Variants in LRP1B observed in about 807,000 individuals in gnomAD.
The protein encoded by LRP1B is LDL receptor related protein 1B.
In LRP1B, 217 loss-of-function variants were observed where a neutral mutation model predicts 556.6. The ratio of observed to expected loss-of-function variants is 0.39; its 90% CI spans 0.35 to 0.44. The LOEUF (loss-of-function observed/expected upper bound fraction) is 0.44. Among genes scored for constraint, LRP1B ranks in the 20% least tolerant of loss-of-function variants. The pLI, the probability that LRP1B is intolerant of heterozygous loss-of-function variation, is 1.00. For missense variants in LRP1B, 5,053 were observed against 5,620.8 expected (o/e 0.90, Z 3.23); for synonymous variants, 2,047 against 1,865.8 (o/e 1.10, Z -2.50).
chr2:141,519,834 G>A (rs1248019600), intron 2 of LRP1B, among the ~76,000 whole-genome samples: 1 of 152,096 alleles, frequency 6.6e-6, no homozygotes, highest in Admixed American at 6.5e-5. Flanking sequence ...GAAAGAAATA[G>A]GATCAGCAGT....
intron 35 of LRP1B, among the ~76,000 whole-genome samples, chr2:140,755,288 A>G (rs1245213286): frequency 1.3e-5 from 2 of 152,072 alleles, no homozygotes; most frequent in African/African-American, 4.8e-5. Context: ...CCAGATTATG[A>G]GGAAACACTT....
At chr2:140,537,001 G>A (rs948123501) in intron 45 of LRP1B, among the ~76,000 whole-genome samples, 8 of 149,840 alleles carry the variant, frequency 5.3e-5, no homozygotes, top group East Asian at 2.0e-4. Context: ...GTGAAACCCC[G>A]TCTACTAAAA....
intron 2 of LRP1B, among the ~76,000 whole-genome samples, chr2:141,633,783 C>T (rs906944908): frequency 1.6e-5 from 2 of 125,746 alleles, no homozygotes; most frequent in Non-Finnish European, 3.8e-5. Context: ...TATTCACATG[C>T]ACACTCAAAC....
intron 84 of LRP1B, among the ~76,000 whole-genome samples, chr2:140,291,781 T>C (rs1463469432): frequency 2.6e-5 from 4 of 152,138 alleles, no homozygotes; most frequent in South Asian, 2.1e-4. Flanking sequence ...TGTGTGCATG[T>C]TTCTTAATAG....
chr2:141,914,855 C>T (rs539152007), intron 1 of LRP1B, among the ~76,000 whole-genome samples: 46 of 152,100 alleles, frequency 3.0e-4, no homozygotes, highest in East Asian at 5.8e-4. Context: ...ATAGATGACA[C>T]GCAAACAAAT....
At chr2:142,017,926 A>G (rs1056120078) in intron 1 of LRP1B, among the ~76,000 whole-genome samples, 1 of 145,932 alleles carries the variant, frequency 6.9e-6, no homozygotes, top group Non-Finnish European at 1.5e-5. Context: ...TAATGTTTCT[A>G]TTTGTGCTCA....
intron 35 of LRP1B, among the ~76,000 whole-genome samples, chr2:140,761,373 C>G (rs891330830): frequency 2.0e-5 from 3 of 152,180 alleles, no homozygotes; most frequent in African/African-American, 7.2e-5. Context: ...GTGGCCCCCT[C>G]TTACCCCTAC....
chr2:140,444,175 GC>G, intron 65 of LRP1B, among the ~76,000 whole-genome samples, 154 bp downstream of exon 65: 1 of 152,210 alleles, frequency 6.6e-6, no homozygotes, highest in East Asian at 1.9e-4. Context: ...TTTATTTAGA[GC>G]TTCTATCCCA....
chr2:140,968,015 G>C (rs1161274233), intron 18 of LRP1B, among the ~76,000 whole-genome samples: 3 of 51,526 alleles, frequency 5.8e-5, no homozygotes, highest in Non-Finnish European at 1.3e-4. Context: ...TTTTTGCCAG[G>C]CTTTGGTATC....
intron 2 of LRP1B, among the ~76,000 whole-genome samples, chr2:141,775,781 T>C (rs1358201424): frequency 8.5e-5 from 13 of 152,204 alleles, no homozygotes; most frequent in Non-Finnish European, 1.5e-5. Context: ...ACTGTACAAA[T>C]ATTTTAATAT....
intron 2 of LRP1B, among the ~76,000 whole-genome samples, chr2:141,728,403 C>T (rs948184637): frequency 2.0e-5 from 3 of 152,086 alleles, no homozygotes; most frequent in Non-Finnish European, 4.4e-5. Flanking sequence ...TCAGGGGCCT[C>T]CACAAGCTCC....
intron 2 of LRP1B, among the ~76,000 whole-genome samples, chr2:141,502,305 T>C (rs948333042): frequency 7.2e-5 from 11 of 152,222 alleles, no homozygotes; most frequent in Non-Finnish European, 1.6e-4. Context: ...ATATTTGATA[T>C]AACAAGGCTG....
Position 141,684,731 on chromosome 2 carries a change from G to A in LRP1B, c.205+125548C>T, listed in dbSNP as rs562520723. 3.3e-5 allele frequency among the ~76,000 whole-genome samples: 5 copies of A among 152,172 alleles called. 1 individual carries two copies. Among genetic ancestry groups the A allele is most frequent in the South Asian group, 2.1e-4 (1 of 4,812 alleles). On this transcript the variant is annotated intron_variant, in intron 2 of 90. Coordinates refer to ENST00000389484, the MANE Select transcript of LRP1B (RefSeq NM_018557.3). ...TTATTTAGGAAAGCTCTTTGGAGGG[G>A]CCTCTTGACTAATGGAGCAAATCTT...
At position 140,813,219 on chromosome 2, in the gene LRP1B, G is replaced by A. The variant is rs774683118; in HGVS notation, c.5359+438C>T. On this transcript the variant is annotated intron_variant, in intron 32 of 90. Coordinates refer to ENST00000389484, the MANE Select transcript of LRP1B (RefSeq NM_018557.3). ...AATACTGAAAAGAATTATTCAATGG[G>A]AAATTATTTCAATCATTGGTCAAAT... Among the ~76,000 whole-genome samples the A allele has an allele frequency of 1.1e-3, 171 of 152,008 alleles. 1 individual carries two copies. Among genetic ancestry groups the A allele is most frequent in the Non-Finnish European group, 9.1e-4 (62 of 67,988 alleles).
chr2:142,115,526 TATATATATTACATATGTA>T (rs1707171529), intron 1 of LRP1B, among the ~76,000 whole-genome samples: 1 of 50,550 alleles, frequency 2.0e-5, no homozygotes, highest in Non-Finnish European at 4.2e-5. Context: ...ACATATATAA[TATATATATTACATATGTA>T]ATATATATAT....
intron 75 of LRP1B, among the ~76,000 whole-genome samples, chr2:140,353,760 C>T (rs1329135160): frequency 1.3e-5 from 2 of 152,038 alleles, no homozygotes; most frequent in Non-Finnish European, 2.9e-5. Context: ...CCCTTGAGGA[C>T]ATAAATTATG....
chr2:140,603,036 G>A lies in LRP1B; in HGVS notation c.6800-1397C>T, dbSNP rs148787662. Among the ~76,000 whole-genome samples, 624 of 151,954 alleles carry A rather than the reference G, an allele frequency of 4.1e-3. 3 individuals are homozygous for A. Among genetic ancestry groups the A allele is most frequent in the African/African-American group, 0.014 (597 of 41,470 alleles). On this transcript the variant is annotated intron_variant, in intron 41 of 90. Transcript: ENST00000389484. ...TTAGTAGCACCACTATTTGGATATGGGTTTATAATGGTTACTACTTAACCT... is the reference window on the plus strand; with the variant it reads ...TTAGTAGCACCACTATTTGGATATGAGTTTATAATGGTTACTACTTAACCT...
chr2:140,900,857 T>A, intron 23 of LRP1B, among the ~76,000 whole-genome samples: 1 of 151,944 alleles, frequency 6.6e-6, no homozygotes, highest in African/African-American at 2.4e-5. Flanking sequence ...AAGATTTAAT[T>A]GATGAAAAAA....
intron 4 of LRP1B, among the ~76,000 whole-genome samples, chr2:141,251,545 G>A (rs376302): frequency 0.21 from 32,625 of 151,890 alleles, 3,587 homozygotes; most frequent in South Asian, 0.26. Flanking sequence ...TATTGACTAC[G>A]GTGATAGCCA....
Sources: gnomAD v4.1 joint callset for allele counts (sites outside exome capture counted in the v4.1 genomes callset) on GRCh38, gnomAD v4.1.1 for gene constraint, MANE v1.5 for transcripts, NCBI Gene and HGNC (gene_info 2026-07-23, HGNC 2026-07-21) for gene names.